The following IL18 variants were observed in gnomAD, a reference collection of about 807,000 sequenced individuals.
IL18 encodes the protein interleukin 18, also known as interleukin-18.
Under a neutral mutation model 14.2 loss-of-function variants are expected in IL18, and 8 were observed. The observed-to-expected ratio is 0.56, with a 90% confidence interval of 0.33 to 1.01. The LOEUF is 1.01. Ranked by LOEUF, IL18 falls within the 50% of genes least tolerant of loss-of-function variation. The probability of loss-of-function intolerance (pLI) is 0.03; values close to 1 mark genes in which losing one functional copy is unlikely to be tolerated. For missense variants in IL18, 166 were observed against 231.1 expected (o/e 0.72, Z 1.83); for synonymous variants, 67 against 71.0 (o/e 0.94, Z 0.28).
chr11:112,146,570 C>A (rs540141448), intron 5 of IL18, among the ~76,000 whole-genome samples: 2 of 152,196 alleles, frequency 1.3e-5, no homozygotes, highest in African/African-American at 4.8e-5. Context: ...GTGAGACACT[C>A]GCCTTGCCCT....
At chr11:112,156,903 A>T (rs1020962321) in intron 1 of IL18, among the ~76,000 whole-genome samples, 3 of 151,926 alleles carry the variant, frequency 2.0e-5, no homozygotes, top group Non-Finnish European at 4.4e-5. Context: ...ATTATCACCT[A>T]GTTTTTTAAA....
chr11:112,158,076 A>G (rs1296381529), intron 1 of IL18, among the ~76,000 whole-genome samples: 1 of 152,106 alleles, frequency 6.6e-6, no homozygotes, highest in African/African-American at 2.4e-5. Context: ...CGAACTCCTG[A>G]CCTCAGGTGA....
chr11:112,146,927 C>CTTTTTTTTTTTTTTTTTTTT (rs36051933), intron 5 of IL18, among the ~76,000 whole-genome samples: 1 of 125,362 alleles, frequency 8.0e-6, no homozygotes, highest in Non-Finnish European at 1.7e-5. Flanking sequence ...GGTAATTTTA[C>CTTTTTTTTTTTTTTTTTTTT]TTTTTTTTTT....
intron 1 of IL18, among the ~76,000 whole-genome samples, chr11:112,158,179 G>A (rs1322182936): frequency 3.9e-5 from 6 of 152,214 alleles, no homozygotes; most frequent in Middle Eastern, 3.4e-3. Context: ...TGAGGGGGGC[G>A]GGTTTCTCCA....
At chr11:112,151,661 A>ATCTGCC (rs1866441169) in intron 3 of IL18, among the ~76,000 whole-genome samples, 1 of 152,076 alleles carries the variant, frequency 6.6e-6, no homozygotes, top group Admixed American at 6.6e-5. Flanking sequence ...ACTCATTGCA[A>ATCTGCC]TCTGCCTCTG....
intron 5 of IL18, among the ~76,000 whole-genome samples, chr11:112,145,302 A>T (rs1866317145): frequency 6.6e-6 from 1 of 152,226 alleles, no homozygotes; most frequent in African/African-American, 2.4e-5. Context: ...GCAGCTGTCT[A>T]CAATATACAA....
intron 1 of IL18, among the ~76,000 whole-genome samples, chr11:112,159,601 G>A (rs1399000269): frequency 6.6e-6 from 1 of 152,172 alleles, no homozygotes; most frequent in African/African-American, 2.4e-5. Flanking sequence ...TAAGAAAAAA[G>A]AACGAAAATA....
At chr11:112,152,750 C>T (rs1181327624) in intron 3 of IL18, among the ~76,000 whole-genome samples, 2 of 152,176 alleles carry the variant, frequency 1.3e-5, no homozygotes, top group African/African-American at 4.8e-5. Flanking sequence ...GGGTACAAGA[C>T]TGAAGAAAGT....
intron 1 of IL18, among the ~76,000 whole-genome samples, chr11:112,157,831 T>C (rs1379791865): frequency 6.6e-6 from 1 of 152,272 alleles, no homozygotes; most frequent in East Asian, 1.9e-4. Flanking sequence ...TTTCTAAAGA[T>C]CTCACATAGT....
At chr11:112,143,974 CCTT>C (rs535317056) in intron 5 of IL18, among the ~76,000 whole-genome samples, 157 bp from the exon 6 acceptor site, 145 of 152,328 alleles carry the variant, frequency 9.5e-4, no homozygotes, top group Middle Eastern at 3.4e-3. Context: ...GACCTCCTCT[CCTT>C]CTTAACTCCG....
At chr11:112,145,518 T>C (rs1592806313) in intron 5 of IL18, among the ~76,000 whole-genome samples, 1 of 152,028 alleles carries the variant, frequency 6.6e-6, no homozygotes, top group Non-Finnish European at 1.5e-5. Context: ...GGCGGGCGGA[T>C]CACAAGTTCA....
rs1866275275 is a variant in IL18 at position 112,143,268 on chromosome 11, T to G, written c.*328A>C. Reference sequence around the variant, plus strand: ...TCAGACAGTTCACATTATGAATTTTTTATTTGTTTATTTATTTATTTTATT... The same window carrying G: ...TCAGACAGTTCACATTATGAATTTTGTATTTGTTTATTTATTTATTTTATT... On this transcript the variant is annotated 3_prime_UTR_variant, in exon 6 of 6. Transcript: ENST00000280357. 6.1e-6 allele frequency: 1 copy of G among 163,610 alleles called. No individual in the cohort carries two copies. Among genetic ancestry groups the G allele is most frequent in the Non-Finnish European group, 1.3e-5 (1 of 75,540 alleles). 10.1% of individuals were successfully genotyped at this position (163,610 alleles called of 1,614,324 possible). A position where few individuals can be genotyped will look rare whatever the true frequency, so the allele number is the denominator to read the frequency against.
rs1310777458 is a variant in IL18 at position 112,164,080 on chromosome 11, C to T, written c.-183G>A. 1 of 152,288 alleles carries T rather than the reference C, an allele frequency of 6.6e-6. No individual in the cohort carries two copies. Among genetic ancestry groups the T allele is most frequent in the Non-Finnish European group, 1.5e-5 (1 of 68,084 alleles). The allele number at this position is 152,288 out of a possible 1,614,324, so 9.4% of individuals were successfully genotyped here. Reference sequence around the variant, plus strand: ...TCCTTGCTGACTGTCCAGGCAGTCGCCAGGGGAGCAAAGGGCTCAGCAAGC... The same window carrying T: ...TCCTTGCTGACTGTCCAGGCAGTCGTCAGGGGAGCAAAGGGCTCAGCAAGC... On this transcript the variant is annotated 5_prime_UTR_variant, in exon 1 of 6. Coordinates refer to ENST00000280357, the MANE Select transcript of IL18 (RefSeq NM_001562.4).
chr11:112,162,536 G>T (rs1866650108), intron 1 of IL18, among the ~76,000 whole-genome samples: 2 of 151,970 alleles, frequency 1.3e-5, no homozygotes, highest in South Asian at 4.1e-4. Context: ...GAGAGACAGG[G>T]TTTTTGCCAT....
In IL18 at chr11:112,153,674, C is replaced by T. The variant is rs1006411042; in HGVS notation, c.80-71G>A. 77 of 1,114,388 alleles carry T rather than the reference C, an allele frequency of 6.9e-5. No homozygotes were observed. In the Admixed American group the frequency reaches 9.4e-4, roughly 14 times the overall value. 69.0% of individuals were successfully genotyped at this position (1,114,388 alleles called of 1,614,324 possible). A position where few individuals can be genotyped will look rare whatever the true frequency, so the allele number is the denominator to read the frequency against. ...TTTCGACTCAGAATTCAATCTCATT[C>T]TAGCTTTTACTTTTGCTACTCCTCT... On this transcript the variant is annotated intron_variant, in intron 2 of 5. Coordinates refer to ENST00000280357, the MANE Select transcript of IL18 (RefSeq NM_001562.4).
At chr11:112,152,156 G>A (rs1308339162) in intron 3 of IL18, among the ~76,000 whole-genome samples, 1 of 152,140 alleles carries the variant, frequency 6.6e-6, no homozygotes, top group African/African-American at 2.4e-5. Context: ...CCTCCTCTTT[G>A]TATACACCAA....
At chr11:112,143,852 G>A (rs1351742500) in intron 5 of IL18, 35 bp from the exon 6 acceptor site, 2 of 1,294,554 alleles carry the variant, frequency 1.5e-6, no homozygotes, top group Non-Finnish European at 2.2e-6. Context: ...ATTATTTCAG[G>A]ACATGAACAA....
intron 5 of IL18, among the ~76,000 whole-genome samples, chr11:112,145,740 A>AATAAAAAG (rs1866327827): frequency 2.0e-5 from 3 of 151,528 alleles, no homozygotes; most frequent in African/African-American, 4.9e-5. Flanking sequence ...CTCCGTTTCA[A>AATAAAAAG]AAAAAAAGAA....
At chr11:112,146,314 G>A (rs973326173) in intron 5 of IL18, among the ~76,000 whole-genome samples, 1 of 151,954 alleles carries the variant, frequency 6.6e-6, no homozygotes, top group African/African-American at 2.4e-5. Flanking sequence ...CATAAGGGTA[G>A]CCTGTTGTAT....
Sources: allele counts gnomAD v4.1 joint callset (sites outside exome capture counted in the v4.1 genomes callset), GRCh38; gene constraint gnomAD v4.1.1; transcripts MANE v1.5; gene names NCBI Gene and HGNC (gene_info 2026-07-23, HGNC 2026-07-21).